PDGFRL: variants seen among roughly 807,000 people sequenced by gnomAD.
The protein encoded by PDGFRL is platelet derived growth factor receptor like, also known as platelet-derived growth factor receptor-like protein.
Under a neutral mutation model 37.2 loss-of-function variants are expected in PDGFRL, and 46 were observed. That is an observed-to-expected ratio of 1.24 (90% CI 0.98 to 1.58). The LOEUF (loss-of-function observed/expected upper bound fraction) is 1.58. Ranked by LOEUF, PDGFRL falls within the 40% of genes most tolerant of loss-of-function variation. The pLI, the probability that PDGFRL is intolerant of heterozygous loss-of-function variation, is 0.00. For missense variants in PDGFRL, 692 were observed against 467.6 expected (o/e 1.48, Z -4.43); for synonymous variants, 251 against 184.3 (o/e 1.36, Z -2.93).
intron 4 of PDGFRL, among the ~76,000 whole-genome samples, chr8:17,632,112 C>T (rs1191891013): frequency 1.3e-5 from 2 of 152,224 alleles, no homozygotes; most frequent in South Asian, 2.1e-4. Flanking sequence ...ATGGCACTAC[C>T]TTCACCCACG....
chr8:17,624,578 G>T (rs1307952019), intron 3 of PDGFRL, among the ~76,000 whole-genome samples: 2 of 152,118 alleles, frequency 1.3e-5, no homozygotes, highest in African/African-American at 4.8e-5. Context: ...AAAGGCTGAG[G>T]CTCTAATTTT....
chr8:17,597,930 A>G (rs1488767731), intron 2 of PDGFRL, among the ~76,000 whole-genome samples: 4 of 150,516 alleles, frequency 2.7e-5, no homozygotes, highest in Admixed American at 2.0e-4. Flanking sequence ...AGATCTCCTT[A>G]TGATTTTGAT....
At chr8:17,624,556 T>C (rs1321997187) in intron 3 of PDGFRL, among the ~76,000 whole-genome samples, 1 of 152,098 alleles carries the variant, frequency 6.6e-6, no homozygotes, top group African/African-American at 2.4e-5. Flanking sequence ...GCAGCAGAGC[T>C]TTCTCATAGT....
chr8:17,585,240 G>C (rs991326079), intron 1 of PDGFRL, among the ~76,000 whole-genome samples: 2 of 152,108 alleles, frequency 1.3e-5, no homozygotes, highest in African/African-American at 4.8e-5. Flanking sequence ...TTATCAGCAA[G>C]GTGTCTGTGA....
In PDGFRL at chr8:17,634,098, C is replaced by A. The variant is rs769103926; in HGVS notation, c.824C>A (p.Thr275Asn). The A allele has an allele frequency of 1.2e-6, 2 of 1,613,894 alleles. No homozygotes were observed. Among genetic ancestry groups the A allele is most frequent in the South Asian group, 2.2e-5 (2 of 91,086 alleles). Reference protein sequence around the residue: ...VAVPSGPPSTTILASSNKVKS... With the variant: ...VAVPSGPPSTNILASSNKVKS... ...GTTCCCAGTGGCCCTCCCTCAACAACCATCTTGGCTTCTTCAAACAAAGTG... is the reference window on the plus strand; with the variant it reads ...GTTCCCAGTGGCCCTCCCTCAACAAACATCTTGGCTTCTTCAAACAAAGTG... Residue 275 changes from threonine (T) to asparagine (N), a missense_variant, in exon 5 of 6, where the codon ACC becomes AAC. Transcript: ENST00000251630.
chr8:17,640,542 A>G (rs989754113), intron 5 of PDGFRL, among the ~76,000 whole-genome samples: 8 of 151,798 alleles, frequency 5.3e-5, no homozygotes, highest in African/African-American at 1.7e-4. Flanking sequence ...AGTGATTGTT[A>G]TTTCTCTTCT....
intron 5 of PDGFRL, among the ~76,000 whole-genome samples, chr8:17,640,320 G>A (rs1391544936): frequency 6.6e-6 from 1 of 152,132 alleles, no homozygotes; most frequent in Non-Finnish European, 1.5e-5. Context: ...TTGCTGGTGA[G>A]CTAGTGTGAT....
At chr8:17,610,449 C>G (rs2129713984) in intron 2 of PDGFRL, among the ~76,000 whole-genome samples, 1 of 152,244 alleles carries the variant, frequency 6.6e-6, no homozygotes, top group South Asian at 2.1e-4. Flanking sequence ...ATTAGGGATG[C>G]TTAACTAGTA....
At chr8:17,619,195 G>A (rs2237831) in intron 2 of PDGFRL, among the ~76,000 whole-genome samples, 119,727 of 152,130 alleles carry the variant, frequency 0.79, 47,299 homozygotes, top group Middle Eastern at 0.83. Context: ...GCATTTGGAT[G>A]TTCGAGATGA....
intron 2 of PDGFRL, among the ~76,000 whole-genome samples, chr8:17,601,134 C>T (rs778756303): frequency 6.6e-5 from 10 of 152,306 alleles, no homozygotes; most frequent in East Asian, 1.9e-4. Flanking sequence ...TATTCACTCC[C>T]GCATCCAACC....
intron 2 of PDGFRL, among the ~76,000 whole-genome samples, chr8:17,609,607 C>T (rs1235689892): frequency 7.4e-6 from 1 of 134,270 alleles, no homozygotes; most frequent in East Asian, 2.2e-4. Flanking sequence ...CACTGCACTC[C>T]AGCCTGGGTG....
In PDGFRL at chr8:17,589,343, G is replaced by A. The variant is rs765319079; in HGVS notation, c.56-125G>A. Reference sequence around the variant, plus strand: ...GGAGGTTGCAGTGAGCTGAGATTATGCCACTGCCCTCCAACCTGGGCAATA... The same window carrying A: ...GGAGGTTGCAGTGAGCTGAGATTATACCACTGCCCTCCAACCTGGGCAATA... On this transcript the variant is annotated intron_variant, in intron 1 of 5. Coordinates refer to ENST00000251630, the MANE Select transcript of PDGFRL (RefSeq NM_001372073.1). 467 of 715,064 alleles carry A rather than the reference G, an allele frequency of 6.5e-4. 1 individual carries two copies. Among genetic ancestry groups the A allele is most frequent in the Non-Finnish European group, 9.7e-4 (408 of 418,944 alleles). The allele number at this position is 715,064 out of a possible 1,614,324, so 44.3% of individuals were successfully genotyped here.
intron 5 of PDGFRL, among the ~76,000 whole-genome samples, chr8:17,640,118 T>G (rs1043490357): frequency 6.6e-6 from 1 of 152,224 alleles, no homozygotes; most frequent in Non-Finnish European, 1.5e-5. Context: ...TGTTCTTCAT[T>G]TCCAGAAATT....
intron 2 of PDGFRL, among the ~76,000 whole-genome samples, chr8:17,594,123 G>GT (rs937579324): frequency 3.3e-5 from 5 of 150,062 alleles, no homozygotes; most frequent in African/African-American, 1.2e-4. Context: ...CAGCGTATTT[G>GT]TTTTTTTTGT....
intron 2 of PDGFRL, among the ~76,000 whole-genome samples, chr8:17,599,379 G>C (rs2299573): frequency 6.6e-6 from 1 of 152,070 alleles, no homozygotes; most frequent in East Asian, 1.9e-4. Flanking sequence ...CCCACATATC[G>C]GTGAGAACTT....
chr8:17,586,027 C>T (rs954442507), intron 1 of PDGFRL, among the ~76,000 whole-genome samples: 5 of 151,974 alleles, frequency 3.3e-5, no homozygotes, highest in African/African-American at 9.7e-5. Context: ...TCTCAGCTCA[C>T]TGCAACCTCC....
chr8:17,628,279 C>T (rs1188582547), intron 3 of PDGFRL, among the ~76,000 whole-genome samples: 2 of 151,994 alleles, frequency 1.3e-5, no homozygotes, highest in Non-Finnish European at 2.9e-5. Flanking sequence ...CAGGTGTGAG[C>T]TACCGCGCCC....
intron 5 of PDGFRL, among the ~76,000 whole-genome samples, chr8:17,641,090 C>T (rs779885243): frequency 2.6e-5 from 4 of 152,154 alleles, no homozygotes; most frequent in Admixed American, 6.5e-5. Context: ...CCAGCTCCCA[C>T]GTAGCCCAAA....
intron 2 of PDGFRL, among the ~76,000 whole-genome samples, chr8:17,592,905 C>T (rs1803970573): frequency 7.3e-6 from 1 of 137,266 alleles, no homozygotes; most frequent in African/African-American, 2.8e-5. Context: ...CCTTCTTAAA[C>T]CCACATACAT....
Sources: allele counts gnomAD v4.1 joint callset (sites outside exome capture counted in the v4.1 genomes callset), GRCh38; gene constraint gnomAD v4.1.1; transcripts MANE v1.5; gene names NCBI Gene and HGNC (gene_info 2026-07-23, HGNC 2026-07-21).